RYR2: variants seen among roughly 807,000 people sequenced by gnomAD.
RYR2 encodes the protein ryanodine receptor 2.
Under a neutral mutation model 601.1 loss-of-function variants are expected in RYR2, and 227 were observed. That is an observed-to-expected ratio of 0.38 (90% CI 0.34 to 0.42). The LOEUF (loss-of-function observed/expected upper bound fraction) is 0.42. Ranked by LOEUF, RYR2 falls within the 10% of genes least tolerant of loss-of-function variation. RYR2 has a pLI of 1.00. For synonymous variants in RYR2, 2,223 were observed against 2,175.1 expected, an observed-to-expected ratio of 1.02 and a Z score of -0.61; for missense variants, 4,646 against 6,156.5, an observed-to-expected ratio of 0.75 and a Z score of 8.21.
At chr1:237,074,440 G>A (rs1233569860) in intron 1 of RYR2, among the ~76,000 whole-genome samples, 1 of 152,212 alleles carries the variant, frequency 6.6e-6, no homozygotes, top group Non-Finnish European at 1.5e-5. Flanking sequence ...GGAAGATGCG[G>A]CAATGGGAGG....
At chr1:237,719,317 A>G (rs1558283141) in intron 73 of RYR2, among the ~76,000 whole-genome samples, 1 of 152,190 alleles carries the variant, frequency 6.6e-6, no homozygotes, top group Non-Finnish European at 1.5e-5. Flanking sequence ...AAGAGTCGTT[A>G]GTCTATAGGT....
At chr1:237,775,547 C>T (rs538112590) in intron 87 of RYR2, among the ~76,000 whole-genome samples, 10 of 151,088 alleles carry the variant, frequency 6.6e-5, no homozygotes, top group Non-Finnish European at 1.3e-4. Flanking sequence ...TACAGCATTG[C>T]GTATTGCTTT....
chr1:237,816,015 T>C (rs539923761), intron 100 of RYR2, among the ~76,000 whole-genome samples: 1 of 152,116 alleles, frequency 6.6e-6, no homozygotes, highest in Non-Finnish European at 1.5e-5. Flanking sequence ...CATCCATCAG[T>C]TGCTGGGCAA....
intron 1 of RYR2, among the ~76,000 whole-genome samples, chr1:237,137,648 C>T (rs1022061451): frequency 3.9e-5 from 6 of 152,082 alleles, no homozygotes; most frequent in African/African-American, 4.8e-5. Context: ...ATAAGATGTG[C>T]GACGTGGCAT....
chr1:237,656,010 A>AT, intron 53 of RYR2, 26 bp downstream of exon 53: 1 of 1,606,962 alleles, frequency 6.2e-7, no homozygotes, highest in Non-Finnish European at 8.5e-7. Flanking sequence ...ATTGCAGCAG[A>AT]TTTTTATTGT....
chr1:237,309,579 C>T (rs929389305), intron 2 of RYR2, among the ~76,000 whole-genome samples: 1 of 152,262 alleles, frequency 6.6e-6, no homozygotes, highest in African/African-American at 2.4e-5. Flanking sequence ...CTACTGGATC[C>T]CACACAAGGG....
chr1:237,222,921 C>G (rs751623161), intron 1 of RYR2, among the ~76,000 whole-genome samples: 20 of 152,010 alleles, frequency 1.3e-4, no homozygotes, highest in Non-Finnish European at 2.8e-4. Context: ...CAAAATTATC[C>G]CGGCATGGTG....
At chr1:237,765,772 A>G (rs1693804373) in intron 84 of RYR2, among the ~76,000 whole-genome samples, 1 of 152,278 alleles carries the variant, frequency 6.6e-6, no homozygotes, top group African/African-American at 2.4e-5. Flanking sequence ...CACCAAATAC[A>G]TTTTCTTAAC....
At chr1:237,760,337 C>CA (rs1272035965) in intron 83 of RYR2, among the ~76,000 whole-genome samples, 2 of 118,444 alleles carry the variant, frequency 1.7e-5, no homozygotes, top group East Asian at 5.2e-4. Context: ...GCCTGAGAGA[C>CA]AGAGTGAGAC....
At chr1:237,459,024 A>C (rs1572418448) in intron 16 of RYR2, among the ~76,000 whole-genome samples, 1 of 152,278 alleles carries the variant, frequency 6.6e-6, no homozygotes, top group East Asian at 1.9e-4. Flanking sequence ...GCTTTATAGG[A>C]ATTTGGATTC....
At chr1:237,593,348 C>G in intron 32 of RYR2, 128 bp from the exon 33 acceptor site, 1 of 826,694 alleles carries the variant, frequency 1.2e-6, no homozygotes, top group Non-Finnish European at 1.8e-6. Flanking sequence ...TTCATTCACC[C>G]AAACGGTTTT....
In RYR2 at chr1:237,330,931, T is replaced by A; in HGVS notation, c.222T>A (p.Ser74=). The A allele has an allele frequency of 6.2e-7, 1 of 1,614,026 alleles. No homozygotes were observed. Among genetic ancestry groups the A allele is most frequent in the Non-Finnish European group, 8.5e-7 (1 of 1,179,892 alleles). Residue 74 remains serine (S), a synonymous_variant, in exon 3 of 105, where the codon TCT becomes TCA. Transcript: ENST00000366574. ...ICTFVLEQSL[S]VRALQEMLAN... is the part of the protein sequence containing the mutation. ...CCTTTGTGCTGGAGCAGTCCCTCTC[T>A]GTCCGGGCGCTGCAGGAGATGCTGG...
chr1:237,785,995 GGAA>G lies in RYR2; in HGVS notation c.13291_13293del (p.Glu4431del). 1 of 1,592,466 alleles carries G rather than the reference GGAA, an allele frequency of 6.3e-7. No individual in the cohort carries two copies. Among genetic ancestry groups the G allele is most frequent in the South Asian group, 1.1e-5 (1 of 87,730 alleles). ...AACAGAAGGCAAAAGAAGAAGAAAA[GGAA>G]GAAAAAGAAGAAACCAAATCTGAAC... On this transcript the variant is annotated inframe_deletion, in exon 91 of 105. Transcript: ENST00000366574.
At chr1:237,168,394 G>A (rs1160395281) in intron 1 of RYR2, among the ~76,000 whole-genome samples, 1 of 152,052 alleles carries the variant, frequency 6.6e-6, no homozygotes, top group African/African-American at 2.4e-5. Flanking sequence ...TTTGCTTTGG[G>A]TCATTTATTT....
chr1:237,331,513 T>TTTTTTTTTTTTTTTTTC (rs1320191821), intron 3 of RYR2, among the ~76,000 whole-genome samples: 1 of 150,348 alleles, frequency 6.7e-6, no homozygotes, highest in African/African-American at 2.5e-5. Context: ...TTTTCTTTTC[T>TTTTTTTTTTTTTTTTTC]TTTTTTTGAG....
chr1:237,455,279 T>C (rs1443357070), intron 15 of RYR2, among the ~76,000 whole-genome samples: 1 of 152,192 alleles, frequency 6.6e-6, no homozygotes, highest in Non-Finnish European at 1.5e-5. Context: ...TGGATTCCCA[T>C]TCTTTTCAAT....
chr1:237,595,296 G>A lies in RYR2; in HGVS notation c.4437-202G>A, dbSNP rs1010226765. Among the ~76,000 whole-genome samples, 3 of 152,114 alleles carry A rather than the reference G, an allele frequency of 2.0e-5. 1 individual carries two copies. In the South Asian group the frequency reaches 6.2e-4, roughly 31 times the overall value. ...GTCTTCATTAGGTGTGAAATGTAGA[G>A]ACTTATAAGACCTGATTCAGAACGT... On this transcript the variant is annotated intron_variant, in intron 33 of 104. Transcript: ENST00000366574.
chr1:237,088,197 G>A (rs139961035), intron 1 of RYR2, among the ~76,000 whole-genome samples: 22 of 152,148 alleles, frequency 1.4e-4, no homozygotes, highest in Non-Finnish European at 2.9e-4. Flanking sequence ...CTGTAAAGGC[G>A]TGTAAAGCAT....
rs766754503 is a variant in RYR2 at position 237,614,854 on chromosome 1, C to T, written c.5715+11C>T. ...CCAGTTAAATTGCAGGTAATCAGAA[C>T]AAGAGACTTGAGTGAATTTCAGAAT... On this transcript the variant is annotated intron_variant, in intron 37 of 104. Transcript: ENST00000366574. The surrounding 1 kb of genome is among the most constrained non-coding windows in gnomAD (Gnocchi z 4.3). 4 of 1,543,128 alleles carry T rather than the reference C, an allele frequency of 2.6e-6. No homozygotes were observed. Among genetic ancestry groups the T allele is most frequent in the Non-Finnish European group, 8.7e-7 (1 of 1,149,034 alleles).
Sources: gnomAD v4.1 joint callset for allele counts (sites outside exome capture counted in the v4.1 genomes callset) on GRCh38, gnomAD v4.1.1 for gene constraint, Gnocchi (gnomAD v3.1) non-coding constraint, MANE v1.5 for transcripts, NCBI Gene and HGNC (gene_info 2026-07-23, HGNC 2026-07-21) for gene names.